Variants in TOR1A observed in about 807,000 individuals in gnomAD.
The protein encoded by TOR1A is torsin-1A.
A neutral mutation model predicts 31.4 loss-of-function variants in TOR1A; 18 were observed. The observed-to-expected ratio is 0.57, with a 90% CI of 0.40 to 0.85. The LOEUF is 0.85. Among genes scored for constraint, TOR1A ranks in the 40% least tolerant of loss-of-function variants. The pLI is 0.00. For synonymous variants in TOR1A, 168 were observed against 165.9 expected (o/e 1.01, Z -0.10); for missense variants, 375 against 416.4 (o/e 0.90, Z 0.87).
chr9:129,814,375 A>AC (rs2030980255), intron 4 of TOR1A, among the ~76,000 whole-genome samples, 153 bp from the exon 5 acceptor site: 3 of 47,008 alleles, frequency 6.4e-5, no homozygotes, highest in Admixed American at 2.2e-4. Flanking sequence ...GGGGTCACCC[A>AC]CCCACCCCCC....
chr9:129,815,585 G>T (rs2031015825), intron 4 of TOR1A, among the ~76,000 whole-genome samples: 2 of 152,226 alleles, frequency 1.3e-5, no homozygotes, highest in Non-Finnish European at 2.9e-5. Context: ...GCAGACCCAG[G>T]AGTGACGGCA....
chr9:129,818,090 TG>T (rs2031086744), intron 4 of TOR1A, among the ~76,000 whole-genome samples: 1 of 151,926 alleles, frequency 6.6e-6, no homozygotes, highest in South Asian at 2.1e-4. Flanking sequence ...GCGGATCACC[TG>T]AGGTAAGAGT....
chr9:129,822,507 C>T (rs2031208460), intron 2 of TOR1A, 74 bp downstream of exon 2: 1 of 1,595,726 alleles, frequency 6.3e-7, no homozygotes, highest in Admixed American at 1.7e-5. Flanking sequence ...ATAGAACTCC[C>T]AAATCTCATC....
rs2030948114 is a variant in TOR1A at position 129,813,526 on chromosome 9, C to G, written c.*446G>C. The G allele has an allele frequency of 3.5e-6, 1 of 288,208 alleles. No homozygotes were observed. 17.9% of individuals were successfully genotyped at this position (288,208 alleles called of 1,614,324 possible). ...ATTTCCAGTAAAGATACATCACAGT[C>G]TATGTAATAATGATGAGAACTTAAA... On this transcript the variant is annotated 3_prime_UTR_variant, in exon 5 of 5. Transcript: ENST00000351698.
At chr9:129,815,173 C>A (rs1439866941) in intron 4 of TOR1A, among the ~76,000 whole-genome samples, 1 of 152,282 alleles carries the variant, frequency 6.6e-6, no homozygotes, top group African/African-American at 2.4e-5. Flanking sequence ...CCGTCCCCAA[C>A]CCAAGCTCCT....
chr9:129,814,092 A>G lies in TOR1A; in HGVS notation c.879T>C (p.Asp293=). The G allele has an allele frequency of 6.2e-7, 1 of 1,614,224 alleles. No individual in the cohort carries two copies. The highest frequency in any genetic ancestry group is 2.2e-5 in the East Asian group (1 of 44,894). Residue 293 remains aspartate, a synonymous_variant, in exon 5 of 5, where the codon GAT becomes GAC. Coordinates refer to ENST00000351698, the MANE Select transcript of TOR1A (RefSeq NM_000113.3). ...VEMQSRGYEI[D]EDIVSRVAEE... Reference sequence around the variant, plus strand: ...CAGCCACTCTGCTTACAATGTCTTCATCAATTTCATAGCCTCGGGACTGCA... The same window carrying G: ...CAGCCACTCTGCTTACAATGTCTTCGTCAATTTCATAGCCTCGGGACTGCA...
intron 2 of TOR1A, 68 bp from the exon 3 acceptor site, chr9:129,818,988 A>C (rs1449074959): frequency 6.4e-7 from 1 of 1,559,758 alleles, no homozygotes; most frequent in African/African-American, 1.4e-5. Context: ...TCCTTCTACC[A>C]CTAAGAACCG....
intron 4 of TOR1A, chr9:129,818,239 G>A (rs2031090230): frequency 4.4e-6 from 2 of 455,420 alleles, no homozygotes; most frequent in Non-Finnish European, 8.1e-6. Flanking sequence ...GGAGGCAGAG[G>A]TTGCAGTGAG....
Position 129,814,072 on chromosome 9 carries a change from A to ACAATGTCCTACATCTC in TOR1A, c.898_899insGAGATGTAGGACATTG (p.Val300GlyfsTer8). On this transcript the variant is annotated frameshift_variant, in exon 5 of 5. Transcript: ENST00000351698. LOFTEE classifies it high-confidence loss of function. ...GGGGAAAAATGTCATCTCCTCAGCCACTCTGCTTACAATGTCTTCATCAAT... is the reference window on the plus strand; with the variant it reads ...GGGGAAAAATGTCATCTCCTCAGCCACAATGTCCTACATCTCCTCTGCTTACAATGTCTTCATCAAT... The ACAATGTCCTACATCTC allele has an allele frequency of 6.2e-7, 1 of 1,614,052 alleles. No individual in the cohort carries two copies. The highest frequency in any genetic ancestry group is 8.5e-7 in the Non-Finnish European group (1 of 1,179,998).
rs141709230 is a variant in TOR1A, at chr9:129,814,152, T to C, written c.819A>G (p.Glu273=). 1.1e-4 allele frequency: 172 copies of C among 1,614,174 alleles called. No homozygotes were observed. In the African/African-American group the frequency reaches 1.9e-3, roughly 18 times the overall value. The change falls in exon 5 of 5, where the codon GAA becomes GAG. Residue 273 remains glutamate, a synonymous_variant. Coordinates refer to ENST00000351698, the MANE Select transcript of TOR1A (RefSeq NM_000113.3). The stretch of plus-strand genomic sequence containing the variant: ...GGATACACATTTTTAGGTGTTTGTA[T>C]TCCAGGGGGAGGAAGGGAACAAAAT... ...IDYFVPFLPL[E]YKHLKMCIRV... is the part of the protein sequence containing the mutation.
At chr9:129,816,839 T>A (rs1426485737) in intron 4 of TOR1A, among the ~76,000 whole-genome samples, 1 of 152,228 alleles carries the variant, frequency 6.6e-6, no homozygotes, top group Admixed American at 6.5e-5. Context: ...CTTTCCTCAG[T>A]AGTATTCCAC....
chr9:129,818,789 C>G lies in TOR1A; in HGVS notation c.576G>C (p.Leu192=). The G allele has an allele frequency of 6.2e-6, 10 of 1,613,574 alleles. No individual in the cohort carries two copies. The highest frequency in any genetic ancestry group is 8.5e-6 in the Non-Finnish European group (10 of 1,180,048). Residue 192 remains leucine (L), a synonymous_variant, in exon 3 of 5, where the codon CTG becomes CTC. Transcript: ENST00000351698. ...CTTTCTGGTAGGAGACCCCATCCAC[C>G]AGGTCATAATAGTCGAGGAAAGGCT... ...AIKPFLDYYD[L]VDGVSYQKAM... is the part of the protein sequence containing the mutation.
At chr9:129,823,881 C>A in intron 1 of TOR1A, 27 bp downstream of exon 1, 1 of 1,527,824 alleles carries the variant, frequency 6.5e-7, no homozygotes, top group Non-Finnish European at 8.8e-7. Context: ...GCCCCAGCCC[C>A]AGCCTCCAGC....
Position 129,816,133 on chromosome 9 carries a change from T to G in TOR1A, c.749-1911A>C, listed in dbSNP as rs150646747. On this transcript the variant is annotated intron_variant, in intron 4 of 4. Transcript: ENST00000351698. ...TCTATCACCTCCCGTTTCCCTCCTCTGTTTATCCTCAACCAGTCACAGGGA... is the reference window on the plus strand; with the variant it reads ...TCTATCACCTCCCGTTTCCCTCCTCGGTTTATCCTCAACCAGTCACAGGGA... 5.4e-3 allele frequency among the ~76,000 whole-genome samples: 817 copies of G among 152,270 alleles called. 10 individuals carry two copies. The highest frequency in any genetic ancestry group is 0.019 in the African/African-American group (780 of 41,546).
At chr9:129,819,958 A>G (rs555146658) in intron 2 of TOR1A, among the ~76,000 whole-genome samples, 14 of 149,648 alleles carry the variant, frequency 9.4e-5, no homozygotes, top group Admixed American at 1.3e-4. Context: ...ATAATAATAA[A>G]TAAATAAAAT....
intron 2 of TOR1A, among the ~76,000 whole-genome samples, chr9:129,820,799 A>G (rs187293769): frequency 4.0e-4 from 61 of 152,174 alleles, no homozygotes; most frequent in African/African-American, 1.3e-3. Flanking sequence ...GGGTTTCACC[A>G]TGTTCCCCAG....
At position 129,823,987 on chromosome 9, in the gene TOR1A, G is replaced by A. The variant is rs745971167; in HGVS notation, c.99C>T (p.Val33=). ...GACGCGGGTAGATGTAGCCGGTGAGGACGCCGGCCAGGGCCAGTCCCAGGC... is the reference window on the plus strand; with the variant it reads ...GACGCGGGTAGATGTAGCCGGTGAGAACGCCGGCCAGGGCCAGTCCCAGGC... ...PISLGLALAG[V]LTGYIYPRLY... The change falls in exon 1 of 5, where the codon GTC becomes GTT. Residue 33 remains valine, a synonymous_variant. Transcript: ENST00000351698. 3 of 1,611,244 alleles carry A rather than the reference G, an allele frequency of 1.9e-6. No homozygotes were observed. The East Asian group carries it at 6.7e-5, about 36-fold the overall frequency.
At chr9:129,814,474 C>G (rs2030984573) in intron 4 of TOR1A, among the ~76,000 whole-genome samples, 1 of 150,264 alleles carries the variant, frequency 6.7e-6, no homozygotes, top group Admixed American at 6.7e-5. Flanking sequence ...CCATACACAT[C>G]TACTGGGTGT....
At chr9:129,814,931 G>A (rs1028556469) in intron 4 of TOR1A, among the ~76,000 whole-genome samples, 3 of 152,184 alleles carry the variant, frequency 2.0e-5, no homozygotes, top group African/African-American at 7.2e-5. Context: ...GAGTGCAGAT[G>A]TGCAGCCCAC....
Sources: allele counts gnomAD v4.1 joint callset (sites outside exome capture counted in the v4.1 genomes callset), GRCh38; gene constraint gnomAD v4.1.1; transcripts MANE v1.5; gene names NCBI Gene and HGNC (gene_info 2026-07-23, HGNC 2026-07-21).